The following MYO7B variants were observed in gnomAD, a reference collection of about 807,000 sequenced individuals.
MYO7B encodes myosin VIIB.
In MYO7B, 212 loss-of-function variants were observed where a neutral mutation model predicts 259.7. That is an observed-to-expected ratio of 0.82 (90% CI 0.73 to 0.91). MYO7B has a LOEUF of 0.91. Among genes scored for constraint, MYO7B ranks in the 40% least tolerant of loss-of-function variants. MYO7B has a pLI of 0.00. For missense variants in MYO7B, 2,732 were observed against 2,813.5 expected, an observed-to-expected ratio of 0.97 and a Z score of 0.66; for synonymous variants, 1,197 against 1,166.4, an observed-to-expected ratio of 1.03 and a Z score of -0.54.
At chr2:127,550,541 G>C (rs1211626650) in intron 1 of MYO7B, among the ~76,000 whole-genome samples, 1 of 133,386 alleles carries the variant, frequency 7.5e-6, no homozygotes, top group Non-Finnish European at 1.6e-5. Context: ...CTGGGCAACA[G>C]ATTAAGACTC....
intron 17 of MYO7B, 82 bp from the exon 18 acceptor site, chr2:127,593,464 A>G (rs562176675): frequency 1.5e-6 from 2 of 1,334,748 alleles, no homozygotes; most frequent in South Asian, 1.3e-5. Flanking sequence ...CCTGTGGGAG[A>G]AGGAGGGAGA....
intron 19 of MYO7B, among the ~76,000 whole-genome samples, chr2:127,605,334 C>T (rs1464102978): frequency 1.3e-5 from 2 of 152,192 alleles, no homozygotes; most frequent in Admixed American, 6.5e-5. Context: ...CAGTGGCTCA[C>T]GCCTGTAATC....
In MYO7B at chr2:127,607,885, G is replaced by A. The variant is rs1442332237; in HGVS notation, c.2643+461G>A. ...GATGGTTGGTCCCCTGGAAGGTGCA[G>A]CAAAGCTGAGCCAGACAAGCTGGGA... On this transcript the variant is annotated intron_variant, in intron 21 of 47. Transcript: ENST00000409816. The surrounding 1 kb of genome is among the most constrained non-coding windows in gnomAD (Gnocchi z 4.4). Among the ~76,000 whole-genome samples the A allele has an allele frequency of 6.6e-6, 1 of 152,196 alleles. No homozygotes were observed. Among genetic ancestry groups the A allele is most frequent in the Non-Finnish European group, 1.5e-5 (1 of 68,032 alleles).
Position 127,625,542 on chromosome 2 carries a change from C to T in MYO7B, c.4215+7C>T. On this transcript the variant is annotated splice_region_variant and intron_variant, in intron 31 of 47. Coordinates refer to ENST00000409816, the MANE Select transcript of MYO7B (RefSeq NM_001393586.1). ...CACTGCCGCCTGCGCCAAGGTCAGC[C>T]TGCATGCAGCTCAGGCACCCACCCG... The T allele has an allele frequency of 6.3e-7, 1 of 1,590,606 alleles. No individual in the cohort carries two copies. The highest frequency in any genetic ancestry group is 1.3e-5 in the African/African-American group (1 of 74,514).
chr2:127,633,859 G>A (rs1194333695), intron 40 of MYO7B, among the ~76,000 whole-genome samples: 2 of 151,782 alleles, frequency 1.3e-5, no homozygotes, highest in Non-Finnish European at 2.9e-5. Context: ...GTCGCCTCGC[G>A]CCCTCTCCAA....
rs184083596 is a variant in MYO7B, at chr2:127,615,432, G to A, written c.3398+2829G>A. On this transcript the variant is annotated intron_variant, in intron 26 of 47. Coordinates refer to ENST00000409816, the MANE Select transcript of MYO7B (RefSeq NM_001393586.1). This position sits in a 1 kb window ranked among gnomAD's most constrained non-coding sequence, Gnocchi z 4.4. Reference sequence around the variant, plus strand: ...AAGGGGTCAGGGGAAGAAGAAAAGGGCTCCCTACTCCTAGTGAGCAAAGAC... The same window carrying A: ...AAGGGGTCAGGGGAAGAAGAAAAGGACTCCCTACTCCTAGTGAGCAAAGAC... Among the ~76,000 whole-genome samples the A allele has an allele frequency of 3.1e-3, 475 of 152,218 alleles. 2 individuals carry two copies. Among genetic ancestry groups the A allele is most frequent in the African/African-American group, 8.5e-3 (352 of 41,522 alleles).
chr2:127,557,703 A>C (rs980356764), intron 1 of MYO7B, among the ~76,000 whole-genome samples: 65 of 152,212 alleles, frequency 4.3e-4, no homozygotes, highest in African/African-American at 1.4e-3. Flanking sequence ...GCTTACAGCC[A>C]ACTGACCTTC....
intron 21 of MYO7B, among the ~76,000 whole-genome samples, chr2:127,608,433 T>C (rs528024741): frequency 6.6e-6 from 1 of 152,198 alleles, no homozygotes; most frequent in South Asian, 2.1e-4. Flanking sequence ...TTTGAAGGGG[T>C]GCCTTAAGAG....
Position 127,611,295 on chromosome 2 carries a change from C to T in MYO7B, c.3193-955C>T, listed in dbSNP as rs1680377163. Among the ~76,000 whole-genome samples, 1 of 152,182 alleles carries T rather than the reference C, an allele frequency of 6.6e-6. No individual in the cohort carries two copies. Among genetic ancestry groups the T allele is most frequent in the Non-Finnish European group, 1.5e-5 (1 of 68,024 alleles). On this transcript the variant is annotated intron_variant, in intron 24 of 47. Transcript: ENST00000409816. This position sits in a 1 kb window ranked among gnomAD's most constrained non-coding sequence, Gnocchi z 5.4. ...ACATACCTGTGGCTGTGGGAGGGGC[C>T]CACACAGGGCAGGAATTTCAGGACG...
In MYO7B at chr2:127,628,967, A is replaced by C. The variant is rs1295970280; in HGVS notation, c.4624+432A>C. On this transcript the variant is annotated intron_variant, in intron 34 of 47. Coordinates refer to ENST00000409816, the MANE Select transcript of MYO7B (RefSeq NM_001393586.1). The surrounding 1 kb of genome is among the most constrained non-coding windows in gnomAD (Gnocchi z 4.8). ...ACACAGCTCAAGGGGGTGGGAGCCT[A>C]GTTCTTGGCCACAGCTCTCCCACAA... Among the ~76,000 whole-genome samples, 1 of 152,222 alleles carries C rather than the reference A, an allele frequency of 6.6e-6. No individual in the cohort carries two copies. Among genetic ancestry groups the C allele is most frequent in the Non-Finnish European group, 1.5e-5 (1 of 68,036 alleles).
chr2:127,564,302 G>A (rs1476847515), intron 3 of MYO7B, 36 bp downstream of exon 3: 6 of 1,489,182 alleles, frequency 4.0e-6, no homozygotes, highest in Non-Finnish European at 5.5e-6. Context: ...GCCCTGCCCT[G>A]CCCTCACATC....
At chr2:127,541,035 T>C (rs1364568762) in intron 1 of MYO7B, among the ~76,000 whole-genome samples, 1 of 152,222 alleles carries the variant, frequency 6.6e-6, no homozygotes, top group Non-Finnish European at 1.5e-5. Context: ...GTGGGATATC[T>C]CTCTCTACTG....
In MYO7B at chr2:127,629,732, T is replaced by G; in HGVS notation, c.4712T>G (p.Leu1571Arg). 1 of 1,612,212 alleles carries G rather than the reference T, an allele frequency of 6.2e-7. No homozygotes were observed. Among genetic ancestry groups the G allele is most frequent in the Non-Finnish European group, 8.5e-7 (1 of 1,179,426 alleles). ...QGLLASENWT[L>R]GQNDRTGKTG... ...CTGCTGGCCTCTGAGAACTGGACCC[T>G]CGGCCAGAACGACAGGACAGGCAAG... Residue 1571 changes from leucine (L) to arginine (R), a missense_variant, in exon 35 of 48, where the codon CTC (leucine) becomes CGC (arginine). Leu to Arg is a moderately radical substitution (Grantham distance 102, BLOSUM62 -2). This residue lies in a region of MYO7B where 821 missense variants were observed against 769.3 expected (regional missense o/e 1.07). Coordinates refer to ENST00000409816, the MANE Select transcript of MYO7B (RefSeq NM_001393586.1).
At position 127,559,859 on chromosome 2, in the gene MYO7B, A is replaced by T; in HGVS notation, c.18+119A>T. ...GACCCTATAGGAAAATACCAGAGAC[A>T]GGGGAGTTTAGGAAACACGACAGAT... On this transcript the variant is annotated intron_variant, in intron 2 of 47. Transcript: ENST00000409816. The surrounding 1 kb of genome is among the most constrained non-coding windows in gnomAD (Gnocchi z 4.1). 1 of 1,197,640 alleles carries T rather than the reference A, an allele frequency of 8.3e-7. No homozygotes were observed. 74.2% of individuals were successfully genotyped at this position (1,197,640 alleles called of 1,614,324 possible).
At chr2:127,548,927 T>TGG (rs201388945) in intron 1 of MYO7B, among the ~76,000 whole-genome samples, 4,358 of 152,322 alleles carry the variant, frequency 0.029, 211 homozygotes, top group African/African-American at 0.099. Context: ...ATTTCTAGTT[T>TGG]AATTCCATTG....
rs759148602 is a variant in MYO7B, at chr2:127,635,819, G to A, written c.5918G>A (p.Arg1973Gln). 30 of 1,587,216 alleles carry A rather than the reference G, an allele frequency of 1.9e-5. No homozygotes were observed. The highest frequency in any genetic ancestry group is 7.1e-5 in the Admixed American group (4 of 56,104). ...TACAAGGCCCAGTTCAACAACGACC[G>A]GTCCCAGCTGGCTAGTGTCCCCAAG... Reference protein sequence around the residue: ...LIYKAQFNNDRSQLASVPKIL... With the variant: ...LIYKAQFNNDQSQLASVPKIL... The change falls in exon 44 of 48, where the codon CGG becomes CAG. Residue 1973 changes from arginine to glutamine, a missense_variant. By Grantham distance (43) the Arg-to-Gln change is conservative. This residue lies in a region of MYO7B where 821 missense variants were observed against 769.3 expected (regional missense o/e 1.07). Coordinates refer to ENST00000409816, the MANE Select transcript of MYO7B (RefSeq NM_001393586.1).
chr2:127,537,812 C>T (rs1326230894), intron 1 of MYO7B, among the ~76,000 whole-genome samples: 1 of 152,180 alleles, frequency 6.6e-6, no homozygotes, highest in Non-Finnish European at 1.5e-5. Flanking sequence ...GGGGTTTTTC[C>T]ATCTCCTGCA....
intron 9 of MYO7B, among the ~76,000 whole-genome samples, chr2:127,579,635 G>T (rs1378499687): frequency 6.6e-6 from 1 of 152,206 alleles, no homozygotes; most frequent in Non-Finnish European, 1.5e-5. Context: ...GTCCAGGCTG[G>T]AGTGCAGTGG....
chr2:127,566,581 A>T, intron 4 of MYO7B, 62 bp from the exon 5 acceptor site: 1 of 1,449,352 alleles, frequency 6.9e-7, no homozygotes, highest in Non-Finnish European at 9.1e-7. Flanking sequence ...GGCCAAGGCC[A>T]AGGCCAGGGC....
Sources: gnomAD v4.1 joint callset for allele counts (sites outside exome capture counted in the v4.1 genomes callset) on GRCh38, gnomAD v4.1.1 for gene constraint, gnomAD v4.1.1 regional missense constraint, Gnocchi (gnomAD v3.1) non-coding constraint, MANE v1.5 for transcripts, NCBI Gene and HGNC (gene_info 2026-07-23, HGNC 2026-07-21) for gene names.